ADAMTS20: variants seen among roughly 807,000 people sequenced by gnomAD.
The protein encoded by ADAMTS20 is A disintegrin and metalloproteinase with thrombospondin motifs 20.
ADAMTS20 carries 225 observed loss-of-function variants against 260.1 expected under a neutral mutation model. That is an observed-to-expected ratio of 0.87 (90% CI 0.78 to 0.97). The LOEUF is 0.97. ADAMTS20 is among the 50% of genes least tolerant of loss of function. The pLI is 0.00. For synonymous variants in ADAMTS20, 802 were observed against 769.5 expected, an observed-to-expected ratio of 1.04 and a Z score of -0.70; for missense variants, 2,400 against 2,337.7, an observed-to-expected ratio of 1.03 and a Z score of -0.55.
intron 8 of ADAMTS20, among the ~76,000 whole-genome samples, chr12:43,467,598 C>G (rs1392867645): frequency 6.6e-6 from 1 of 151,844 alleles, no homozygotes; most frequent in East Asian, 1.9e-4. Context: ...TCGTCTTCTA[C>G]TGGTTAGTAG....
rs1287025441 is a variant in ADAMTS20, at chr12:43,535,963, C to T, written c.454-3768G>A. On this transcript the variant is annotated intron_variant, in intron 2 of 38. Coordinates refer to ENST00000389420, the MANE Select transcript of ADAMTS20 (RefSeq NM_025003.5). ...TGTTGGAAAGAAGCCCTTAAATGGT[C>T]AATTTATGTAGATAGATCCCTCTCT... Among the ~76,000 whole-genome samples the T allele has an allele frequency of 2.0e-5, 3 of 151,994 alleles. No homozygotes were observed. In the East Asian group the frequency reaches 5.8e-4, roughly 29 times the overall value.
intron 28 of ADAMTS20, among the ~76,000 whole-genome samples, chr12:43,421,782 G>A (rs927884527): frequency 6.6e-6 from 1 of 151,922 alleles, no homozygotes; most frequent in African/African-American, 2.4e-5. Context: ...AAATCCCAGT[G>A]TTAGTTTCTA....
intron 28 of ADAMTS20, among the ~76,000 whole-genome samples, chr12:43,420,797 CTTCTTTTTT>C (rs1185977398): frequency 6.5e-5 from 5 of 77,436 alleles, no homozygotes; most frequent in African/African-American, 2.2e-4. Context: ...CCTCCTCCTC[CTTCTTTTTT>C]TTTTTTTTTT....
At chr12:43,532,609 T>C (rs534926332) in intron 2 of ADAMTS20, among the ~76,000 whole-genome samples, 21 of 130,492 alleles carry the variant, frequency 1.6e-4, no homozygotes, top group African/African-American at 5.7e-4. Flanking sequence ...ATTGTGCAGG[T>C]TAGTTACATA....
chr12:43,468,513 C>G, intron 8 of ADAMTS20, 87 bp downstream of exon 8: 1 of 824,136 alleles, frequency 1.2e-6, no homozygotes, highest in Non-Finnish European at 2.0e-6. Context: ...AACAAAGGTA[C>G]TAATTACTCA....
At chr12:43,472,045 G>A (rs138301365) in intron 7 of ADAMTS20, among the ~76,000 whole-genome samples, 17,456 of 151,888 alleles carry the variant, frequency 0.11, 1,132 homozygotes, top group Admixed American at 0.21. Flanking sequence ...TCTGAGCTAC[G>A]GGAGGACATT....
chr12:43,449,462 C>A lies in ADAMTS20; in HGVS notation c.2080-2750G>T, dbSNP rs536664808. On this transcript the variant is annotated intron_variant, in intron 14 of 38. Transcript: ENST00000389420. The stretch of plus-strand genomic sequence containing the variant: ...GAACATATGGGCACAAAGAGGGGAA[C>A]AACACACACTGGGGCCTGCTGAGGG... 2.0e-5 allele frequency among the ~76,000 whole-genome samples: 3 copies of A among 151,932 alleles called. No homozygotes were observed. In the South Asian group the frequency reaches 6.2e-4, roughly 32 times the overall value.
intron 37 of ADAMTS20, among the ~76,000 whole-genome samples, 186 bp downstream of exon 37, chr12:43,369,104 C>T (rs1280293713): frequency 1.3e-5 from 2 of 152,026 alleles, no homozygotes; most frequent in African/African-American, 4.8e-5. Context: ...TTTAAACAAA[C>T]CCAAAATTGG....
At position 43,473,989 on chromosome 12, in the gene ADAMTS20, G is replaced by A. The variant is rs531773171; in HGVS notation, c.1118-5284C>T. Among the ~76,000 whole-genome samples, 867 of 146,078 alleles carry A rather than the reference G, an allele frequency of 5.9e-3. 8 individuals are homozygous for A. The highest frequency in any genetic ancestry group is 0.02 in the African/African-American group (792 of 39,300). On this transcript the variant is annotated intron_variant, in intron 7 of 38. Transcript: ENST00000389420. ...AGAAGGCAAGAAATAACTAAAATCA[G>A]AGCAGAACTGAAGGAAATAGAGACA... is the stretch of plus-strand genomic sequence containing the variant.
chr12:43,380,464 G>C (rs1592037126), intron 31 of ADAMTS20, among the ~76,000 whole-genome samples: 1 of 151,972 alleles, frequency 6.6e-6, no homozygotes, highest in African/African-American at 2.4e-5. Context: ...GGTACAAAAG[G>C]CATCCATCTT....
intron 28 of ADAMTS20, among the ~76,000 whole-genome samples, chr12:43,408,583 TAA>T (rs1940963376): frequency 6.6e-6 from 1 of 152,056 alleles, no homozygotes; most frequent in African/African-American, 2.4e-5. Flanking sequence ...AGATGAGAAA[TAA>T]ATGAGTTCTA....
intron 37 of ADAMTS20, among the ~76,000 whole-genome samples, chr12:43,367,801 G>A (rs1285137859): frequency 6.6e-6 from 1 of 151,986 alleles, no homozygotes; most frequent in Non-Finnish European, 1.5e-5. Context: ...GTAATCTACT[G>A]TTACAACTAA....
intron 36 of ADAMTS20, among the ~76,000 whole-genome samples, chr12:43,370,733 G>C (rs546724770): frequency 2.0e-5 from 3 of 152,244 alleles, no homozygotes; most frequent in Admixed American, 1.3e-4. Flanking sequence ...TATTTGCCCT[G>C]CTCTATTTCC....
At chr12:43,500,098 G>A (rs1009859997) in intron 4 of ADAMTS20, among the ~76,000 whole-genome samples, 2 of 151,068 alleles carry the variant, frequency 1.3e-5, no homozygotes, top group Admixed American at 6.6e-5. Flanking sequence ...GCATGATCGC[G>A]GCTCACTGCA....
In ADAMTS20 at chr12:43,439,686, C is replaced by T; in HGVS notation, c.2529G>A (p.Glu843=). The change falls in exon 18 of 39, where the codon GAG becomes GAA. Residue 843 remains glutamate, a synonymous_variant. Coordinates refer to ENST00000389420, the MANE Select transcript of ADAMTS20 (RefSeq NM_025003.5). The stretch of plus-strand genomic sequence containing the variant: ...GGTCCCATGTGAACATGTCACTCCT[C>T]TCTTCCAAAGGGATATTGAAGGAAT... ...VHYSFNIPLE[E]RSDMFTWDPY... The T allele has an allele frequency of 6.2e-7, 1 of 1,613,856 alleles. No homozygotes were observed. Among genetic ancestry groups the T allele is most frequent in the Non-Finnish European group, 8.5e-7 (1 of 1,179,854 alleles).
At chr12:43,535,563 T>C (rs1255630365) in intron 2 of ADAMTS20, among the ~76,000 whole-genome samples, 1 of 152,168 alleles carries the variant, frequency 6.6e-6, no homozygotes, top group Non-Finnish European at 1.5e-5. Context: ...AGCACAGATA[T>C]GTTCATCACA....
intron 2 of ADAMTS20, among the ~76,000 whole-genome samples, chr12:43,534,523 T>C (rs1943267403): frequency 6.6e-6 from 1 of 152,138 alleles, no homozygotes; most frequent in Admixed American, 6.6e-5. Flanking sequence ...ACTTACAAGG[T>C]TATTAACCAT....
chr12:43,379,568 C>T (rs1940304409), intron 31 of ADAMTS20, among the ~76,000 whole-genome samples: 1 of 152,102 alleles, frequency 6.6e-6, no homozygotes, highest in Non-Finnish European at 1.5e-5. Flanking sequence ...TACTCCCAAC[C>T]CCCCAACACA....
At position 43,432,828 on chromosome 12, in the gene ADAMTS20, A is replaced by C. The variant is rs1192352262; in HGVS notation, c.2721-17T>G. On this transcript the variant is annotated splice_polypyrimidine_tract_variant and intron_variant, in intron 19 of 38. Coordinates refer to ENST00000389420, the MANE Select transcript of ADAMTS20 (RefSeq NM_025003.5). ...ACATGCCACCTTGAAAAAAGATGTT[A>C]CTATACTTAGGAGGTATATTACATA... is the stretch of plus-strand genomic sequence containing the variant. 6 of 1,589,834 alleles carry C rather than the reference A, an allele frequency of 3.8e-6. No individual in the cohort carries two copies. In the African/African-American group the frequency reaches 5.4e-5, roughly 14 times the overall value.
Sources: allele counts gnomAD v4.1 joint callset (sites outside exome capture counted in the v4.1 genomes callset), GRCh38; gene constraint gnomAD v4.1.1; transcripts MANE v1.5; gene names NCBI Gene and HGNC (gene_info 2026-07-23, HGNC 2026-07-21).